Variants in VAMP4 observed in about 807,000 individuals in gnomAD.
The protein encoded by VAMP4 is vesicle-associated membrane protein 4.
In VAMP4, 19 loss-of-function variants were observed where a neutral mutation model predicts 23.5. The ratio of observed to expected loss-of-function variants is 0.81; its 90% CI spans 0.56 to 1.19. VAMP4 has a LOEUF of 1.19. Ranked by LOEUF, VAMP4 falls within the 50% of genes most tolerant of loss-of-function variation. The pLI is 0.00. For synonymous variants in VAMP4, 31 were observed against 51.0 expected (o/e 0.61, Z 1.67); for missense variants, 145 against 168.6 (o/e 0.86, Z 0.78).
chr1:171,726,409 T>A (rs1240792024), intron 3 of VAMP4, among the ~76,000 whole-genome samples: 1 of 152,228 alleles, frequency 6.6e-6, no homozygotes, highest in Non-Finnish European at 1.5e-5. Flanking sequence ...TATAACCTTC[T>A]ACATCAATCC....
intron 2 of VAMP4, among the ~76,000 whole-genome samples, chr1:171,735,608 C>T (rs1179477117): frequency 1.3e-5 from 2 of 152,178 alleles, no homozygotes; most frequent in African/African-American, 4.8e-5. Flanking sequence ...GCAAGCATCT[C>T]TGGGTAAGTG....
At chr1:171,713,235 A>T (rs1462721391) in intron 4 of VAMP4, among the ~76,000 whole-genome samples, 2 of 152,140 alleles carry the variant, frequency 1.3e-5, no homozygotes, top group Non-Finnish European at 2.9e-5. Context: ...ATTTAACTAC[A>T]AACAAAAGCA....
In VAMP4 at chr1:171,703,250, T is replaced by C. The variant is rs1654508421; in HGVS notation, c.*1256A>G. ...TCTCCCCACACCTTAGGGGACAATG[T>C]ATTTTCACTCTGACTTGTTTAAAAG... On this transcript the variant is annotated 3_prime_UTR_variant, in exon 8 of 8. Coordinates refer to ENST00000236192, the MANE Select transcript of VAMP4 (RefSeq NM_003762.5). The C allele has an allele frequency of 6.6e-6, 1 of 150,950 alleles. No homozygotes were observed. The allele number at this position is 150,950 out of a possible 1,614,324, so 9.4% of individuals were successfully genotyped here.
chr1:171,712,709 C>T (rs1338066396), intron 4 of VAMP4, among the ~76,000 whole-genome samples: 1 of 152,130 alleles, frequency 6.6e-6, no homozygotes, highest in African/African-American at 2.4e-5. Context: ...ACTCCTAATC[C>T]CCTAAGTAGA....
chr1:171,715,555 A>C (rs1370229588), intron 4 of VAMP4, among the ~76,000 whole-genome samples: 2 of 152,188 alleles, frequency 1.3e-5, no homozygotes, highest in South Asian at 2.1e-4. Flanking sequence ...CACCTTTAAA[A>C]TGCAGCTGAT....
At chr1:171,708,712 A>C (rs953446775) in intron 6 of VAMP4, among the ~76,000 whole-genome samples, 10 of 147,104 alleles carry the variant, frequency 6.8e-5, no homozygotes, top group African/African-American at 2.0e-4. Context: ...AAAAAAAAAA[A>C]CAAAAAAAAC....
intron 4 of VAMP4, among the ~76,000 whole-genome samples, chr1:171,712,543 T>G (rs1004515248): frequency 6.6e-6 from 1 of 152,132 alleles, no homozygotes; most frequent in Non-Finnish European, 1.5e-5. Context: ...CACATAAACT[T>G]CAAGATTTTT....
At chr1:171,730,736 G>A (rs1655532997) in intron 2 of VAMP4, among the ~76,000 whole-genome samples, 1 of 136,088 alleles carries the variant, frequency 7.3e-6, no homozygotes, top group African/African-American at 2.7e-5. Context: ...AGATATGGTG[G>A]TTCTGGGGGC....
At chr1:171,740,930 G>A (rs1008164370) in intron 1 of VAMP4, among the ~76,000 whole-genome samples, 3 of 152,172 alleles carry the variant, frequency 2.0e-5, no homozygotes, top group African/African-American at 7.2e-5. Flanking sequence ...GATGAACTTT[G>A]ATGTTATTTG....
chr1:171,720,303 A>C (rs1655150322), intron 3 of VAMP4, among the ~76,000 whole-genome samples: 1 of 151,984 alleles, frequency 6.6e-6, no homozygotes, highest in Non-Finnish European at 1.5e-5. Context: ...TAAATGAGGA[A>C]ACTATAAAGT....
At chr1:171,726,632 T>C (rs537894331) in intron 3 of VAMP4, among the ~76,000 whole-genome samples, 1 of 152,294 alleles carries the variant, frequency 6.6e-6, no homozygotes, top group East Asian at 1.9e-4. Flanking sequence ...AGTTTCATCC[T>C]TACCTCAAAT....
intron 3 of VAMP4, among the ~76,000 whole-genome samples, chr1:171,727,462 A>C (rs1165683389): frequency 6.6e-6 from 1 of 152,170 alleles, no homozygotes; most frequent in Non-Finnish European, 1.5e-5. Flanking sequence ...AGGCTGAAAA[A>C]GACTGACCAT....
intron 3 of VAMP4, among the ~76,000 whole-genome samples, chr1:171,723,407 T>G (rs951017592): frequency 6.6e-6 from 1 of 152,160 alleles, no homozygotes; most frequent in Non-Finnish European, 1.5e-5. Context: ...CTGCAACATA[T>G]AAGACACACA....
At chr1:171,722,175 A>G (rs1309978501) in intron 3 of VAMP4, among the ~76,000 whole-genome samples, 4 of 152,124 alleles carry the variant, frequency 2.6e-5, no homozygotes, top group Non-Finnish European at 5.9e-5. Context: ...TATTTAATAA[A>G]TGGTGCTGGG....
intron 1 of VAMP4, 29 bp from the exon 2 acceptor site, chr1:171,738,492 T>C: frequency 6.9e-7 from 1 of 1,449,318 alleles, no homozygotes; most frequent in Non-Finnish European, 9.6e-7. Context: ...TTCATCAGAT[T>C]TGAGACTTTG....
chr1:171,722,995 G>A (rs1234742674), intron 3 of VAMP4, among the ~76,000 whole-genome samples: 1 of 152,186 alleles, frequency 6.6e-6, no homozygotes, highest in East Asian at 1.9e-4. Context: ...GCTGGTCTGA[G>A]TAATAAAGGG....
At chr1:171,725,855 T>G (rs1655348247) in intron 3 of VAMP4, among the ~76,000 whole-genome samples, 1 of 151,908 alleles carries the variant, frequency 6.6e-6, no homozygotes, top group South Asian at 2.1e-4. Context: ...CAGGACTGGC[T>G]AATTTTTGTA....
chr1:171,736,272 T>C (rs1655737928), intron 2 of VAMP4, among the ~76,000 whole-genome samples: 1 of 152,200 alleles, frequency 6.6e-6, no homozygotes, highest in African/African-American at 2.4e-5. Context: ...TTCTTGGAGG[T>C]TTATCTTGAA....
intron 7 of VAMP4, among the ~76,000 whole-genome samples, chr1:171,705,244 CA>C (rs1654613034): frequency 6.6e-6 from 1 of 152,042 alleles, no homozygotes. Flanking sequence ...TGCTCAAGGC[CA>C]ACAGCACTAT....
Sources: gnomAD v4.1 joint callset for allele counts (sites outside exome capture counted in the v4.1 genomes callset) on GRCh38, gnomAD v4.1.1 for gene constraint, MANE v1.5 for transcripts, NCBI Gene and HGNC (gene_info 2026-07-23, HGNC 2026-07-21) for gene names.